The following GNAL variants were observed in gnomAD, a reference collection of about 807,000 sequenced individuals.
The protein encoded by GNAL is guanine nucleotide-binding protein G(olf) subunit alpha.
A neutral mutation model predicts 55.1 loss-of-function variants in GNAL; 18 were observed. The observed-to-expected ratio is 0.33, with a 90% CI of 0.23 to 0.48. GNAL has a LOEUF of 0.48. GNAL is among the 20% of genes least tolerant of loss of function. The pLI, the probability that GNAL is intolerant of heterozygous loss-of-function variation, is 0.99. For missense variants in GNAL, 412 were observed against 614.1 expected, an observed-to-expected ratio of 0.67 and a Z score of 3.48; for synonymous variants, 253 against 237.0, an observed-to-expected ratio of 1.07 and a Z score of -0.62.
intron 3 of GNAL, 66 bp from the exon 4 acceptor site, chr18:11,753,760 A>C: frequency 2.0e-6 from 3 of 1,479,220 alleles, no homozygotes; most frequent in Non-Finnish European, 2.8e-6. Context: ...CAGAAATTAC[A>C]TATTGTAGAT....
intron 10 of GNAL, among the ~76,000 whole-genome samples, chr18:11,874,940 G>A (rs1264626365): frequency 6.6e-6 from 1 of 151,274 alleles, no homozygotes; most frequent in Non-Finnish European, 1.5e-5. Context: ...CACACACCCT[G>A]CAACAGAGAA....
intron 5 of GNAL, among the ~76,000 whole-genome samples, chr18:11,842,377 C>T (rs147173023): frequency 3.5e-4 from 53 of 152,106 alleles, no homozygotes; most frequent in African/African-American, 8.7e-4. Flanking sequence ...TTCCATGGAC[C>T]GTGGTGGGGT....
At chr18:11,862,569 A>C in intron 6 of GNAL, 120 bp downstream of exon 6, 1 of 828,542 alleles carries the variant, frequency 1.2e-6, no homozygotes, top group Non-Finnish European at 2.0e-6. Context: ...ACTTTTTGCA[A>C]ATTGTTTGTA....
chr18:11,779,715 T>C (rs1387390198), intron 4 of GNAL, among the ~76,000 whole-genome samples: 3 of 152,146 alleles, frequency 2.0e-5, no homozygotes, highest in Non-Finnish European at 4.4e-5. Context: ...TCCCCTAGGC[T>C]GGGGGTAGTC....
chr18:11,843,979 A>T (rs2035676478), intron 5 of GNAL, among the ~76,000 whole-genome samples: 1 of 152,224 alleles, frequency 6.6e-6, no homozygotes, highest in Admixed American at 6.5e-5. Flanking sequence ...ATCTCAAAAA[A>T]AAACAAAAAA....
At chr18:11,708,281 T>C (rs2031760302) in intron 1 of GNAL, among the ~76,000 whole-genome samples, 1 of 152,176 alleles carries the variant, frequency 6.6e-6, no homozygotes, top group African/African-American at 2.4e-5. Flanking sequence ...GTAGGATTAT[T>C]AAATGGCCCT....
intron 5 of GNAL, among the ~76,000 whole-genome samples, chr18:11,827,966 G>A (rs1394270727): frequency 5.9e-5 from 8 of 135,808 alleles, no homozygotes; most frequent in African/African-American, 9.0e-5. Context: ...GCGAGACTCC[G>A]TCTCAAGGAA....
intron 4 of GNAL, among the ~76,000 whole-genome samples, chr18:11,803,461 T>G (rs2034570967): frequency 6.6e-6 from 1 of 152,254 alleles, no homozygotes; most frequent in South Asian, 2.1e-4. Flanking sequence ...CATTATCCAT[T>G]CTTCTGCCCA....
At chr18:11,765,786 C>T (rs1424513523) in intron 4 of GNAL, among the ~76,000 whole-genome samples, 3 of 152,046 alleles carry the variant, frequency 2.0e-5, no homozygotes, top group East Asian at 1.9e-4. Flanking sequence ...ATTTGTGTAC[C>T]ATTTTTTTTA....
chr18:11,802,385 CTT>C (rs1029433102), intron 4 of GNAL, among the ~76,000 whole-genome samples: 7 of 152,142 alleles, frequency 4.6e-5, no homozygotes, highest in Admixed American at 2.0e-4. Context: ...TGGTTTCTTG[CTT>C]TTGCCTTGGT....
intron 11 of GNAL, 33 bp from the exon 12 acceptor site, chr18:11,880,956 G>A (rs199571902): frequency 1.7e-5 from 27 of 1,602,230 alleles, no homozygotes; most frequent in Admixed American, 3.4e-5. Flanking sequence ...TGCTGGGGCC[G>A]CGCAGGGCTA....
At position 11,769,054 on chromosome 18, in the gene GNAL, A is replaced by T. The variant is rs562503219; in HGVS notation, c.624+15109A>T. Among the ~76,000 whole-genome samples the T allele has an allele frequency of 4.0e-3, 407 of 101,440 alleles. 23 individuals carry two copies. Among genetic ancestry groups the T allele is most frequent in the Non-Finnish European group, 4.5e-3 (261 of 57,812 alleles). The allele number at this position is 101,440 out of a possible 152,430, so 66.5% of individuals were successfully genotyped here. A position where few individuals can be genotyped will look rare whatever the true frequency, so the allele number is the denominator to read the frequency against. On this transcript the variant is annotated intron_variant, in intron 4 of 11. Transcript: ENST00000334049. ...ATTATATATAATATATAATATATAT[A>T]ATATATATTATAATATAGATTATAT...
intron 4 of GNAL, among the ~76,000 whole-genome samples, chr18:11,755,022 G>A (rs1206716714): frequency 1.3e-5 from 2 of 149,582 alleles, no homozygotes; most frequent in Non-Finnish European, 3.0e-5. Context: ...GTGTGTGTGT[G>A]TGTGTGTATG....
intron 5 of GNAL, among the ~76,000 whole-genome samples, chr18:11,859,136 A>G (rs545030394): frequency 6.6e-6 from 1 of 152,342 alleles, no homozygotes; most frequent in East Asian, 1.9e-4. Context: ...CACAGGCTTC[A>G]TATTTAATTT....
intron 6 of GNAL, among the ~76,000 whole-genome samples, chr18:11,862,828 G>A (rs544038871): frequency 3.2e-4 from 49 of 151,222 alleles, no homozygotes; most frequent in Admixed American, 1.8e-3. Flanking sequence ...AACTTTCCAG[G>A]TGTGACCCAG....
At chr18:11,745,193 C>G (rs2032663208) in intron 1 of GNAL, among the ~76,000 whole-genome samples, 1 of 152,190 alleles carries the variant, frequency 6.6e-6, no homozygotes, top group Non-Finnish European at 1.5e-5. Context: ...CAAACTTGAT[C>G]AGCATCTCCT....
rs557296898 is a variant in GNAL, at chr18:11,712,477, T to A, written c.376+22538T>A. Among the ~76,000 whole-genome samples the A allele has an allele frequency of 2.0e-5, 3 of 152,364 alleles. No individual in the cohort carries two copies. The South Asian group carries it at 6.2e-4, about 32-fold the overall frequency. Reference sequence around the variant, plus strand: ...GTTTTGGCCCATATATTTTGTTACATCAATTTTTCAGCAGGGCAATAAATT... The same window carrying A: ...GTTTTGGCCCATATATTTTGTTACAACAATTTTTCAGCAGGGCAATAAATT... On this transcript the variant is annotated intron_variant, in intron 1 of 11. Transcript: ENST00000334049.
At chr18:11,703,799 A>G (rs965319304) in intron 1 of GNAL, among the ~76,000 whole-genome samples, 14 of 130,786 alleles carry the variant, frequency 1.1e-4, no homozygotes, top group South Asian at 6.7e-4. Context: ...TGATGGGCAC[A>G]CACACACACA....
At chr18:11,734,246 G>C (rs537663385) in intron 1 of GNAL, among the ~76,000 whole-genome samples, 2 of 150,900 alleles carry the variant, frequency 1.3e-5, no homozygotes, top group African/African-American at 4.9e-5. Context: ...CAGTTCAAGC[G>C]ATTCTCCTGC....
Sources: allele counts gnomAD v4.1 joint callset (sites outside exome capture counted in the v4.1 genomes callset), GRCh38; gene constraint gnomAD v4.1.1; transcripts MANE v1.5; gene names NCBI Gene and HGNC (gene_info 2026-07-23, HGNC 2026-07-21).